The following ACOT11 variants were observed in gnomAD, a reference collection of about 807,000 sequenced individuals.
The protein encoded by ACOT11 is acyl-CoA thioesterase 11, also known as acyl-coenzyme A thioesterase 11.
ACOT11 carries 69 observed loss-of-function variants against 77.5 expected under a neutral mutation model. That is an observed-to-expected ratio of 0.89 (90% CI 0.73 to 1.09). The LOEUF is 1.09. Among genes scored for constraint, ACOT11 ranks in the 50% least tolerant of loss-of-function variants. The pLI is 0.00. For missense variants in ACOT11, 766 were observed against 813.7 expected (o/e 0.94, Z 0.71); for synonymous variants, 279 against 313.0 (o/e 0.89, Z 1.15).
chr1:54,619,590 T>A (rs1289103486), intron 15 of ACOT11, among the ~76,000 whole-genome samples: 1 of 152,126 alleles, frequency 6.6e-6, no homozygotes, highest in Non-Finnish European at 1.5e-5. Context: ...TACAGTTTGG[T>A]CCCTGACAGG....
chr1:54,602,761 C>G (rs371814373), intron 10 of ACOT11, 37 bp downstream of exon 10: 1 of 1,496,548 alleles, frequency 6.7e-7, no homozygotes, highest in Non-Finnish European at 8.9e-7. Flanking sequence ...AATGTGGATT[C>G]GGGGCTGTTC....
rs776323262 is a variant in ACOT11 at position 54,609,932 on chromosome 1, C to T, written c.*820C>T. On this transcript the variant is annotated 3_prime_UTR_variant, in exon 16 of 16. Coordinates refer to ENST00000343744, the MANE Select transcript of ACOT11 (RefSeq NM_147161.4). The stretch of plus-strand genomic sequence containing the variant: ...GAGGCCAGTGTTCAGCAGGATCATG[C>T]CTTCTGTGTCTGGAAGAGGCGGCAG... 7 of 1,603,968 alleles carry T rather than the reference C, an allele frequency of 4.4e-6. No individual in the cohort carries two copies. In the African/African-American group the frequency reaches 8.0e-5, roughly 18 times the overall value.
intron 15 of ACOT11, among the ~76,000 whole-genome samples, chr1:54,629,058 CA>C (rs768933265): frequency 0.093 from 3,337 of 36,018 alleles, 181 homozygotes; most frequent in African/African-American, 0.23. Flanking sequence ...GACTCCGTCT[CA>C]AAAAAAAAAA....
At chr1:54,554,006 T>C (rs1479359311) in intron 1 of ACOT11, among the ~76,000 whole-genome samples, 1 of 151,970 alleles carries the variant, frequency 6.6e-6, no homozygotes, top group Non-Finnish European at 1.5e-5. Flanking sequence ...AAACCCGATC[T>C]CTACAAAAAC....
chr1:54,583,737 C>T lies in ACOT11; in HGVS notation c.34-918C>T, dbSNP rs1318552926. On this transcript the variant is annotated intron_variant, in intron 1 of 15. Coordinates refer to ENST00000343744, the MANE Select transcript of ACOT11 (RefSeq NM_147161.4). ...AAGTACTTGTAAAATTATGTGACAC[C>T]TAAGTGCCATATAAACATTAGTGGC... 2.6e-5 allele frequency among the ~76,000 whole-genome samples: 4 copies of T among 152,176 alleles called. No homozygotes were observed. The East Asian group carries it at 7.7e-4, about 29-fold the overall frequency.
chr1:54,615,308 T>C (rs189463535), downstream of ACOT11, among the ~76,000 whole-genome samples: 1 of 151,808 alleles, frequency 6.6e-6, no homozygotes, highest in East Asian at 1.9e-4. Flanking sequence ...CTTTTCAGGG[T>C]GGTGAGGAGA....
chr1:54,624,589 G>A (rs1644260567), intron 15 of ACOT11, among the ~76,000 whole-genome samples: 1 of 152,178 alleles, frequency 6.6e-6, no homozygotes, highest in African/African-American at 2.4e-5. Flanking sequence ...GACAGGCGGA[G>A]AGTTGGAGGA....
In ACOT11 at chr1:54,588,175, A is replaced by C. The variant is rs545746265; in HGVS notation, c.311+2271A>C. ...GCCAGGATTACACCACTGCACTCCA[A>C]CCTGGGTGACACAGTGAGATCCCGT... On this transcript the variant is annotated intron_variant, in intron 3 of 15. Transcript: ENST00000343744. Among the ~76,000 whole-genome samples, 3 of 152,128 alleles carry C rather than the reference A, an allele frequency of 2.0e-5. No homozygotes were observed. The South Asian group carries it at 6.2e-4, about 32-fold the overall frequency.
intron 1 of ACOT11, chr1:54,572,900 C>A (rs1653973932): frequency 1.0e-6 from 1 of 984,168 alleles, no homozygotes; most frequent in Admixed American, 6.1e-5. Flanking sequence ...CTAGCTGAAC[C>A]TGAGGTTTCC....
chr1:54,597,553 A>T (rs762065291), intron 7 of ACOT11, 138 bp downstream of exon 7: 5 of 1,173,286 alleles, frequency 4.3e-6, no homozygotes, highest in Non-Finnish European at 5.8e-6. Context: ...AATCAGAGAA[A>T]TGAATTTTTG....
chr1:54,552,065 C>G (rs369240021), intron 1 of ACOT11, among the ~76,000 whole-genome samples: 1 of 152,166 alleles, frequency 6.6e-6, no homozygotes, highest in Non-Finnish European at 1.5e-5. Flanking sequence ...TGGATGTTCA[C>G]CCCACGGTTC....
intron 15 of ACOT11, among the ~76,000 whole-genome samples, chr1:54,618,285 C>G (rs559071706): frequency 5.9e-5 from 9 of 152,236 alleles, no homozygotes; most frequent in Admixed American, 1.3e-4. Flanking sequence ...GGGCGGATCA[C>G]TTGAGTTTAG....
chr1:54,565,147 G>A (rs1017384601), intron 1 of ACOT11, among the ~76,000 whole-genome samples: 1 of 152,162 alleles, frequency 6.6e-6, no homozygotes, highest in Non-Finnish European at 1.5e-5. Flanking sequence ...GGAGCTTCCA[G>A]GCAGCAAGGC....
At chr1:54,561,097 T>TTG in intron 1 of ACOT11, among the ~76,000 whole-genome samples, 1 of 149,994 alleles carries the variant, frequency 6.7e-6, no homozygotes, top group African/African-American at 2.5e-5. Flanking sequence ...TTTTATTTTT[T>TTG]TTTATTTTTT....
intron 16 of ACOT11, among the ~76,000 whole-genome samples, chr1:54,633,008 T>C (rs1394402417): frequency 1.3e-5 from 2 of 152,164 alleles, no homozygotes; most frequent in Admixed American, 1.3e-4. Flanking sequence ...AAAGTCAGCA[T>C]ACAATGCATG....
At chr1:54,593,253 G>A (rs1023006606) in intron 4 of ACOT11, among the ~76,000 whole-genome samples, 1 of 152,076 alleles carries the variant, frequency 6.6e-6, no homozygotes, top group Non-Finnish European at 1.5e-5. Context: ...GTACCCCCAG[G>A]TGCCTGTTCT....
rs552357871 is a variant in ACOT11 at position 54,630,377 on chromosome 1, T to C, written c.1630-357T>C. ...CTGCAGCACTGTAACATGCCCATAATGGCCCTAATGCCCACGCTGGAAGGT... is the reference window on the plus strand; with the variant it reads ...CTGCAGCACTGTAACATGCCCATAACGGCCCTAATGCCCACGCTGGAAGGT... On this transcript the variant is annotated intron_variant, in intron 15 of 16. Transcript: ENST00000371316. Among the ~76,000 whole-genome samples the C allele has an allele frequency of 3.9e-5, 6 of 152,270 alleles. 1 individual carries two copies. The highest frequency in any genetic ancestry group is 1.4e-4 in the African/African-American group (6 of 41,552).
chr1:54,585,443 G>C (rs999015757), intron 2 of ACOT11, among the ~76,000 whole-genome samples: 1 of 152,218 alleles, frequency 6.6e-6, no homozygotes, highest in African/African-American at 2.4e-5. Flanking sequence ...GGGAACAGGT[G>C]GTTGAAGGGA....
exon 17 of ACOT11, chr1:54,636,911 C>T (rs144046033): frequency 2.0e-3 from 314 of 159,046 alleles, no homozygotes; most frequent in Non-Finnish European, 3.1e-3. Flanking sequence ...CTTGCACAGC[C>T]CTTAATCCAT....
Sources: gnomAD v4.1 joint callset for allele counts (sites outside exome capture counted in the v4.1 genomes callset) on GRCh38, gnomAD v4.1.1 for gene constraint, MANE v1.5 for transcripts, NCBI Gene and HGNC (gene_info 2026-07-23, HGNC 2026-07-21) for gene names.